PACSIN2: variants seen among roughly 807,000 people sequenced by gnomAD.
PACSIN2 encodes protein kinase C and casein kinase substrate in neurons 2, also known as protein kinase C and casein kinase substrate in neurons protein 2.
Under a neutral mutation model 63.8 loss-of-function variants are expected in PACSIN2, and 25 were observed. The ratio of observed to expected loss-of-function variants is 0.39; its 90% CI spans 0.29 to 0.55. PACSIN2 has a LOEUF of 0.55. Ranked by LOEUF, PACSIN2 falls within the 20% of genes least tolerant of loss-of-function variation. PACSIN2 has a pLI of 0.62. For synonymous variants in PACSIN2, 255 were observed against 256.2 expected (o/e 1.00, Z 0.05); for missense variants, 518 against 646.9 (o/e 0.80, Z 2.16).
chr22:42,934,829 C>A (rs1932860423), intron 1 of PACSIN2, among the ~76,000 whole-genome samples: 1 of 152,206 alleles, frequency 6.6e-6, no homozygotes, highest in Non-Finnish European at 1.5e-5. Context: ...CACAGCTCCT[C>A]AGTGAGGGTC....
chr22:42,873,122 A>G (rs570491344), intron 10 of PACSIN2, among the ~76,000 whole-genome samples: 1 of 152,382 alleles, frequency 6.6e-6, no homozygotes, highest in Admixed American at 6.5e-5. Flanking sequence ...AGAAAATAGA[A>G]CGGACAGGAA....
intron 1 of PACSIN2, among the ~76,000 whole-genome samples, chr22:42,993,033 GC>G (rs1047271232): frequency 1.3e-5 from 2 of 152,092 alleles, no homozygotes; most frequent in Non-Finnish European, 2.9e-5. Context: ...GGGCATGGCA[GC>G]ATGCACTTAT....
Position 42,891,188 on chromosome 22 carries a change from C to G in PACSIN2, c.218-6G>C. ...CACGGTCCCGTACTGGGGCCCTGTG[C>G]AGGGGAGAGAAGCTGCGGGTCACTC... is the stretch of plus-strand genomic sequence containing the variant. On this transcript the variant is annotated splice_polypyrimidine_tract_variant and splice_region_variant and intron_variant, in intron 3 of 10. Transcript: ENST00000263246. 1 of 1,606,146 alleles carries G rather than the reference C, an allele frequency of 6.2e-7. No individual in the cohort carries two copies. The highest frequency in any genetic ancestry group is 8.5e-7 in the Non-Finnish European group (1 of 1,173,906).
At chr22:43,002,887 C>A (rs1198308923) in intron 1 of PACSIN2, among the ~76,000 whole-genome samples, 1 of 152,128 alleles carries the variant, frequency 6.6e-6, no homozygotes, top group African/African-American at 2.4e-5. Context: ...ATGGAAAATA[C>A]TTGAGAAAAT....
rs138106937 is a variant in PACSIN2 at position 42,966,703 on chromosome 22, A to C, written c.-78+48318T>G. On this transcript the variant is annotated intron_variant, in intron 1 of 10. Transcript: ENST00000263246. The stretch of plus-strand genomic sequence containing the variant: ...ATAGAATCCCCAAATGCCACAGAAG[A>C]AGCAACATCTAGATTTCTAGCACAT... 3.8e-3 allele frequency among the ~76,000 whole-genome samples: 574 copies of C among 152,324 alleles called. 2 individuals are homozygous for C. Among genetic ancestry groups the C allele is most frequent in the African/African-American group, 0.013 (556 of 41,560 alleles).
chr22:42,957,795 T>C (rs566350173), intron 1 of PACSIN2, among the ~76,000 whole-genome samples: 2 of 152,160 alleles, frequency 1.3e-5, no homozygotes, highest in African/African-American at 2.4e-5. Flanking sequence ...AAGAATTGAG[T>C]GCTTGTCTGT....
chr22:43,005,571 G>A (rs111276727), intron 1 of PACSIN2, among the ~76,000 whole-genome samples: 82 of 152,216 alleles, frequency 5.4e-4, no homozygotes, highest in Middle Eastern at 3.4e-3. Flanking sequence ...AATGACCTGC[G>A]ACTACACCCG....
chr22:42,893,388 A>G (rs1045663500), intron 3 of PACSIN2, 69 bp downstream of exon 3: 43 of 1,501,432 alleles, frequency 2.9e-5, no homozygotes, highest in Non-Finnish European at 3.9e-5. Context: ...GAGGGTCACA[A>G]CGTGCCCAGA....
At chr22:42,969,658 G>C (rs529738799) in intron 1 of PACSIN2, among the ~76,000 whole-genome samples, 105 of 152,212 alleles carry the variant, frequency 6.9e-4, no homozygotes, top group Non-Finnish European at 1.2e-3. Context: ...TAGAAACTAG[G>C]TCAGGCACAG....
intron 1 of PACSIN2, among the ~76,000 whole-genome samples, chr22:42,939,359 C>G (rs1933045960): frequency 6.6e-6 from 1 of 152,126 alleles, no homozygotes. Context: ...GAAAAACTTA[C>G]TTTAAAAAGG....
At chr22:43,002,077 A>G (rs1376699833) in intron 1 of PACSIN2, among the ~76,000 whole-genome samples, 1 of 152,180 alleles carries the variant, frequency 6.6e-6, no homozygotes, top group Non-Finnish European at 1.5e-5. Flanking sequence ...ACAAGCAAAC[A>G]AGGCAAGCAA....
chr22:42,989,586 C>T (rs557115124), intron 1 of PACSIN2, among the ~76,000 whole-genome samples: 4 of 148,592 alleles, frequency 2.7e-5, no homozygotes, highest in South Asian at 2.1e-4. Flanking sequence ...CACGAGGTCA[C>T]GAGTTCAAGA....
At chr22:42,936,166 A>C (rs1229903835) in intron 1 of PACSIN2, among the ~76,000 whole-genome samples, 1 of 151,430 alleles carries the variant, frequency 6.6e-6, no homozygotes, top group Non-Finnish European at 1.5e-5. Context: ...CAGTGAGCCA[A>C]GATTGCGCCA....
At chr22:42,909,000 G>A (rs957112575) in intron 2 of PACSIN2, among the ~76,000 whole-genome samples, 2 of 152,008 alleles carry the variant, frequency 1.3e-5, no homozygotes, top group Non-Finnish European at 2.9e-5. Flanking sequence ...TACAGGGTTG[G>A]GGGAATGCAG....
chr22:42,981,583 C>T (rs1429395757), intron 1 of PACSIN2, among the ~76,000 whole-genome samples: 416 of 83,112 alleles, frequency 5.0e-3, no homozygotes, highest in Middle Eastern at 0.016. Context: ...CGCCTCTGCC[C>T]GGCTGCCCCT....
At chr22:42,973,196 G>A (rs1921453126) in intron 1 of PACSIN2, among the ~76,000 whole-genome samples, 1 of 152,240 alleles carries the variant, frequency 6.6e-6, no homozygotes, top group African/African-American at 2.4e-5. Context: ...GAGAAAGCGA[G>A]AAGTGGTGTT....
chr22:42,889,336 G>A (rs1419945036), intron 4 of PACSIN2, among the ~76,000 whole-genome samples: 1 of 142,068 alleles, frequency 7.0e-6, no homozygotes, highest in African/African-American at 2.6e-5. Context: ...TAGGGGGCAG[G>A]GCCATCAGCC....
chr22:42,907,045 G>T (rs1405551280), intron 2 of PACSIN2, among the ~76,000 whole-genome samples: 1 of 152,146 alleles, frequency 6.6e-6, no homozygotes, highest in Non-Finnish European at 1.5e-5. Flanking sequence ...CTTTCCCAGA[G>T]CAGCTCCCTA....
intron 2 of PACSIN2, among the ~76,000 whole-genome samples, chr22:42,895,932 A>C (rs1044943717): frequency 6.6e-6 from 1 of 152,208 alleles, no homozygotes; most frequent in African/African-American, 2.4e-5. Context: ...ATAAACCACC[A>C]GGGACAGAGC....
Sources: allele counts gnomAD v4.1 joint callset (sites outside exome capture counted in the v4.1 genomes callset), GRCh38; gene constraint gnomAD v4.1.1; transcripts MANE v1.5; gene names NCBI Gene and HGNC (gene_info 2026-07-23, HGNC 2026-07-21).